The following OR8B2 variants were observed in gnomAD, a reference collection of about 807,000 sequenced individuals.
OR8B2 encodes olfactory receptor family 8 subfamily B member 2, also known as olfactory receptor 8B2.
For missense variants in OR8B2, 304 were observed against 379.6 expected (o/e 0.80, Z 1.65); for synonymous variants, 98 against 138.2 (o/e 0.71, Z 2.04).
the OR8B2 span, among the ~76,000 whole-genome samples, chr11:124,391,633 C>G: frequency 6.6e-6 from 1 of 151,994 alleles, no homozygotes; most frequent in Admixed American, 6.6e-5. Context: ...GCTTACCAAC[C>G]AAAAAGAGTC....
upstream of OR8B2, among the ~76,000 whole-genome samples, chr11:124,386,501 C>T (rs1422001049): frequency 2.1e-5 from 3 of 143,926 alleles, no homozygotes; most frequent in Non-Finnish European, 4.5e-5. Context: ...AGTGAGAATA[C>T]GTGGTGTTTG....
chr11:124,389,223 A>G (rs951922425), upstream of OR8B2, among the ~76,000 whole-genome samples: 1 of 152,172 alleles, frequency 6.6e-6, no homozygotes, highest in East Asian at 1.9e-4. Context: ...AAGAGGGATA[A>G]TCAATTGTTT....
the OR8B2 span, among the ~76,000 whole-genome samples, chr11:124,392,199 G>A: frequency 2.0e-5 from 2 of 98,062 alleles, no homozygotes; most frequent in Admixed American, 1.0e-4. Flanking sequence ...TTGAAAACTG[G>A]CACAAGACAG....
chr11:124,396,854 G>A, the OR8B2 span: 10 of 1,609,618 alleles, frequency 6.2e-6, no homozygotes, highest in South Asian at 9.9e-5. Context: ...TGCAGAAGGT[G>A]AGTCTAAGCA....
chr11:124,384,522 A>G (rs1331725934), upstream of OR8B2: 3 of 152,218 alleles, frequency 2.0e-5, no homozygotes, highest in Non-Finnish European at 4.4e-5. Flanking sequence ...AGCATTGAGC[A>G]TAGATCTCAG....
At chr11:124,394,721 G>T in the OR8B2 span, among the ~76,000 whole-genome samples, 1 of 152,164 alleles carries the variant, frequency 6.6e-6, no homozygotes, top group Non-Finnish European at 1.5e-5. Flanking sequence ...TAGACTTTCA[G>T]TCAGCCATGC....
At chr11:124,396,718 A>C in the OR8B2 span, 1 of 1,613,952 alleles carries the variant, frequency 6.2e-7, no homozygotes, top group African/African-American at 1.3e-5. Context: ...AGGATGGTAC[A>C]ACTGGGTACC....
the OR8B2 span, among the ~76,000 whole-genome samples, chr11:124,393,771 C>G: frequency 6.6e-6 from 1 of 151,676 alleles, no homozygotes; most frequent in African/African-American, 2.4e-5. Context: ...ACCCAAAGGA[C>G]TATAAATCAT....
At chr11:124,387,908 A>G (rs1296834531), upstream of OR8B2, among the ~76,000 whole-genome samples, 2 of 150,614 alleles carry the variant, frequency 1.3e-5, no homozygotes, top group African/African-American at 4.9e-5. Flanking sequence ...ATGTTCTTCC[A>G]TTTGTTTGTA....
the OR8B2 span, among the ~76,000 whole-genome samples, chr11:124,394,024 G>A: frequency 2.1e-5 from 3 of 144,812 alleles, no homozygotes; most frequent in Non-Finnish European, 3.0e-5. Flanking sequence ...CAAACACCGC[G>A]TATTCTCACT....
At chr11:124,391,599 G>C in the OR8B2 span, among the ~76,000 whole-genome samples, 9 of 152,104 alleles carry the variant, frequency 5.9e-5, no homozygotes, top group Non-Finnish European at 8.8e-5. Context: ...CCAATAACAG[G>C]ATCTGAAATT....
At chr11:124,393,985 C>A in the OR8B2 span, among the ~76,000 whole-genome samples, 1 of 150,564 alleles carries the variant, frequency 6.6e-6, no homozygotes, top group South Asian at 2.1e-4. Flanking sequence ...AATCATCATT[C>A]TCAGTAAACT....
upstream of OR8B2, among the ~76,000 whole-genome samples, chr11:124,385,956 T>C (rs908065799): frequency 2.0e-5 from 3 of 152,106 alleles, no homozygotes. Context: ...TTAAACAGAC[T>C]TTTAAGCATT....
chr11:124,383,782 T>C (rs1373754226), intron 1 of OR8B2, among the ~76,000 whole-genome samples: 11 of 152,298 alleles, frequency 7.2e-5, no homozygotes, highest in Middle Eastern at 3.4e-3. Context: ...GAGACCATAC[T>C]GATATTCTGT....
chr11:124,396,859 T>C, the OR8B2 span: 73 of 1,609,660 alleles, frequency 4.5e-5, no homozygotes, highest in Middle Eastern at 1.6e-4. Flanking sequence ...AAGGTGAGTC[T>C]AAGCATGCAC....
At chr11:124,386,338 T>C (rs571903888), upstream of OR8B2, among the ~76,000 whole-genome samples, 1 of 148,770 alleles carries the variant, frequency 6.7e-6, no homozygotes, top group South Asian at 2.2e-4. Flanking sequence ...ACATGTGCCA[T>C]GTTGGTGTGC....
chr11:124,393,749 T>C, the OR8B2 span, among the ~76,000 whole-genome samples: 1 of 151,996 alleles, frequency 6.6e-6, no homozygotes, highest in Non-Finnish European at 1.5e-5. Flanking sequence ...GCCATCCCAA[T>C]ACTGGGTATA....
Position 124,383,213 on chromosome 11 carries a change from C to A in OR8B2, c.131G>T (p.Gly44Val). The A allele has an allele frequency of 6.2e-7, 1 of 1,613,910 alleles. No individual in the cohort carries two copies. Among genetic ancestry groups the A allele is most frequent in the Non-Finnish European group, 8.5e-7 (1 of 1,179,856 alleles). Residue 44 changes from glycine to valine, a missense_variant, in exon 2 of 2, where the codon GGC becomes GTC. Coordinates refer to ENST00000641451, the MANE Select transcript of OR8B2 (RefSeq NM_001005468.2). ...ATTTAGACCGAAAAGAGTGATCAAG[C>A]CAAGGTTGCCTACCATGGTGACAAT... Reference protein sequence around the residue: ...IYIVTMVGNLGLITLFGLNSH... With the variant: ...IYIVTMVGNLVLITLFGLNSH...
the OR8B2 span, among the ~76,000 whole-genome samples, chr11:124,394,346 T>C: frequency 6.6e-6 from 1 of 152,056 alleles, no homozygotes; most frequent in East Asian, 1.9e-4. Context: ...TAGAAGGAGA[T>C]GTCAAGAAAT....
Sources: allele counts gnomAD v4.1 joint callset (sites outside exome capture counted in the v4.1 genomes callset), GRCh38; gene constraint gnomAD v4.1.1; transcripts MANE v1.5; gene names NCBI Gene and HGNC (gene_info 2026-07-23, HGNC 2026-07-21).